CEP162: variants seen among roughly 807,000 people sequenced by gnomAD.
CEP162 encodes centrosomal protein 162.
Under a neutral mutation model 169.2 loss-of-function variants are expected in CEP162, and 141 were observed. That is an observed-to-expected ratio of 0.83 (90% CI 0.73 to 0.96). The LOEUF is 0.96. Ranked by LOEUF, CEP162 falls within the 40% of genes least tolerant of loss-of-function variation. The pLI is 0.00. For synonymous variants in CEP162, 540 were observed against 526.4 expected (o/e 1.03, Z -0.35); for missense variants, 1,600 against 1,587.2 (o/e 1.01, Z -0.14).
intron 18 of CEP162, among the ~76,000 whole-genome samples, chr6:84,164,776 T>C (rs539635666): frequency 2.6e-5 from 4 of 152,148 alleles, no homozygotes; most frequent in Non-Finnish European, 5.9e-5. Context: ...GATAGGTTGA[T>C]AGGGGCAGCA....
At chr6:84,168,698 A>G (rs2129214986) in intron 18 of CEP162, among the ~76,000 whole-genome samples, 1 of 152,330 alleles carries the variant, frequency 6.6e-6, no homozygotes, top group East Asian at 1.9e-4. Context: ...TTCTGCTTAA[A>G]ATAGAACTAC....
intron 2 of CEP162, among the ~76,000 whole-genome samples, chr6:84,222,397 C>CT (rs1009618616): frequency 3.9e-5 from 6 of 152,206 alleles, no homozygotes; most frequent in African/African-American, 1.4e-4. Context: ...ATAGCTTTGG[C>CT]TTTTTGCCCA....
At chr6:84,182,672 G>T (rs1245713917) in intron 13 of CEP162, among the ~76,000 whole-genome samples, 2 of 152,038 alleles carry the variant, frequency 1.3e-5, no homozygotes, top group Non-Finnish European at 2.9e-5. Flanking sequence ...TCATGGACAG[G>T]GTCCGGAGGC....
At chr6:84,166,008 T>C (rs1305781591) in intron 18 of CEP162, among the ~76,000 whole-genome samples, 1 of 152,338 alleles carries the variant, frequency 6.6e-6, no homozygotes, top group East Asian at 1.9e-4. Flanking sequence ...GTCTACTTCA[T>C]GGAATTACAG....
intron 16 of CEP162, among the ~76,000 whole-genome samples, chr6:84,172,514 A>C (rs949599532): frequency 6.6e-6 from 1 of 152,196 alleles, no homozygotes. Context: ...TAAATACATG[A>C]AGAATTAACA....
chr6:84,179,837 T>C (rs1454352179), intron 13 of CEP162, among the ~76,000 whole-genome samples: 1 of 151,958 alleles, frequency 6.6e-6, no homozygotes, highest in African/African-American at 2.4e-5. Flanking sequence ...GCTCTGAAAA[T>C]GAGGCAATAA....
chr6:84,190,115 A>T (rs1383582101), intron 11 of CEP162, among the ~76,000 whole-genome samples: 2 of 152,082 alleles, frequency 1.3e-5, no homozygotes, highest in Non-Finnish European at 2.9e-5. Flanking sequence ...TAGCTCAGGG[A>T]TTGTAAATAC....
At chr6:84,156,136 C>G (rs143747170) in intron 21 of CEP162, among the ~76,000 whole-genome samples, 1 of 152,014 alleles carries the variant, frequency 6.6e-6, no homozygotes, top group Non-Finnish European at 1.5e-5. Flanking sequence ...GGAAAGGACA[C>G]CCTATTCAAT....
At position 84,208,011 on chromosome 6, in the gene CEP162, GTTGA is replaced by G. The variant is rs1188569089; in HGVS notation, c.572-3919_572-3916del. 3.3e-3 allele frequency among the ~76,000 whole-genome samples: 488 copies of G among 148,338 alleles called. 5 individuals carry two copies. The East Asian group carries it at 0.035, about 11-fold the overall frequency. On this transcript the variant is annotated intron_variant, in intron 6 of 26. Transcript: ENST00000403245. Reference sequence around the variant, plus strand: ...AAAAAGGTTGGATTTTGTTTTTCAGGTTGATTGATTTTTTTTTTTTTTTTTTGTC... The same window carrying G: ...AAAAAGGTTGGATTTTGTTTTTCAGGTTGATTTTTTTTTTTTTTTTTTGTC...
In CEP162 at chr6:84,218,085, A is replaced by G. The variant is rs114634893; in HGVS notation, c.173-2163T>C. 8.2e-3 allele frequency among the ~76,000 whole-genome samples: 1,255 copies of G among 152,354 alleles called. 18 individuals are homozygous for G. Among genetic ancestry groups the G allele is most frequent in the African/African-American group, 0.029 (1,199 of 41,586 alleles). ...ATTACAACTCTGCTTTGAAGGAATT[A>G]TATAAGATTAATTGGGGGGGTATAC... On this transcript the variant is annotated intron_variant, in intron 3 of 26. Transcript: ENST00000403245.
chr6:84,198,272 AT>A (rs1408959995), intron 9 of CEP162, among the ~76,000 whole-genome samples: 5 of 151,782 alleles, frequency 3.3e-5, no homozygotes, highest in African/African-American at 7.3e-5. Flanking sequence ...ATTTTATTTT[AT>A]TTTATTTATT....
chr6:84,175,369 TA>T, intron 13 of CEP162, 22 bp from the exon 14 acceptor site: 1 of 1,494,108 alleles, frequency 6.7e-7, no homozygotes. Context: ...AAACAATGTA[TA>T]AATGCACCAC....
In CEP162 at chr6:84,160,839, G is replaced by A. The variant is rs777939731; in HGVS notation, c.2754C>T (p.Ala918=). The change falls in exon 21 of 27, where the codon GCC becomes GCT. Residue 918 remains alanine (A), a synonymous_variant. Transcript: ENST00000403245. Reference sequence around the variant, plus strand: ...GTCGCTCCAGATCCTGAATTTTTTTGGCATCTGCTGCTTTATCTTTTAAGC... The same window carrying A: ...GTCGCTCCAGATCCTGAATTTTTTTAGCATCTGCTGCTTTATCTTTTAAGC... ...KIRLKDKAAD[A]KKIQDLERQV... is the part of the protein sequence containing the mutation. 22 of 1,611,174 alleles carry A rather than the reference G, an allele frequency of 1.4e-5. No individual in the cohort carries two copies. The highest frequency in any genetic ancestry group is 1.6e-4 in the Middle Eastern group (1 of 6,078).
chr6:84,147,411 T>G (rs889471985), intron 24 of CEP162, among the ~76,000 whole-genome samples: 2 of 152,084 alleles, frequency 1.3e-5, no homozygotes, highest in Non-Finnish European at 2.9e-5. Context: ...TAAGTTCTAA[T>G]GTTTAATAGC....
intron 11 of CEP162, among the ~76,000 whole-genome samples, chr6:84,192,960 C>A (rs2099540525): frequency 6.6e-6 from 1 of 152,204 alleles, no homozygotes; most frequent in Admixed American, 6.5e-5. Context: ...TTATCATCTA[C>A]CAGTAAATTG....
intron 4 of CEP162, 128 bp from the exon 5 acceptor site, chr6:84,215,593 A>C (rs1026164108): frequency 8.8e-7 from 1 of 1,139,132 alleles, no homozygotes; most frequent in Non-Finnish European, 1.2e-6. Context: ...TCACTCACCA[A>C]ATATGAATTC....
chr6:84,191,723 T>C (rs2099540015), intron 11 of CEP162, among the ~76,000 whole-genome samples: 1 of 152,116 alleles, frequency 6.6e-6, no homozygotes, highest in Non-Finnish European at 1.5e-5. Flanking sequence ...GGCTGCCTGC[T>C]TGGGGAAGGG....
intron 6 of CEP162, among the ~76,000 whole-genome samples, chr6:84,209,865 C>A (rs943550663): frequency 6.6e-6 from 1 of 152,044 alleles, no homozygotes; most frequent in African/African-American, 2.4e-5. Flanking sequence ...TCCCCAGAAA[C>A]CTGTCATGAA....
Position 84,160,782 on chromosome 6 carries a change from T to C in CEP162, c.2781+30A>G, listed in dbSNP as rs200326913. 3.3e-5 allele frequency: 44 copies of C among 1,328,984 alleles called. No homozygotes were observed. In the East Asian group the frequency reaches 9.7e-4, roughly 29 times the overall value. The allele number at this position is 1,328,984 out of a possible 1,614,324, so 82.3% of individuals were successfully genotyped here. On this transcript the variant is annotated intron_variant, in intron 21 of 26. Transcript: ENST00000403245. The stretch of plus-strand genomic sequence containing the variant: ...ACCAAAATGCACTATATATAAAATA[T>C]GCTCATGAAAATTTACCCTGAACAC...
Sources: gnomAD v4.1 joint callset for allele counts (sites outside exome capture counted in the v4.1 genomes callset) on GRCh38, gnomAD v4.1.1 for gene constraint, MANE v1.5 for transcripts, NCBI Gene and HGNC (gene_info 2026-07-23, HGNC 2026-07-21) for gene names.